Variants in ARHGEF11 observed in about 807,000 individuals in gnomAD.
ARHGEF11 encodes Rho guanine exchange factor (GEF) 11.
ARHGEF11 carries 55 observed loss-of-function variants against 193.7 expected under a neutral mutation model. The ratio of observed to expected loss-of-function variants is 0.28; its 90% CI spans 0.23 to 0.36. The LOEUF is 0.36. ARHGEF11 is among the 10% of genes least tolerant of loss of function. The pLI is 1.00. For missense variants in ARHGEF11, 1,723 were observed against 2,005.6 expected, an observed-to-expected ratio of 0.86 and a Z score of 2.69; for synonymous variants, 693 against 768.0, an observed-to-expected ratio of 0.90 and a Z score of 1.62.
At chr1:156,965,446 T>G (rs1661560628) in intron 11 of ARHGEF11, among the ~76,000 whole-genome samples, 1 of 152,180 alleles carries the variant, frequency 6.6e-6, no homozygotes, top group Admixed American at 6.5e-5. Context: ...CCCTTGAACA[T>G]TCCCTTAGAC....
At chr1:156,976,907 G>A in intron 7 of ARHGEF11, 76 bp downstream of exon 7, 1 of 1,324,134 alleles carries the variant, frequency 7.6e-7, no homozygotes. Flanking sequence ...ATTAAGTTGT[G>A]TACATTGGCA....
intron 1 of ARHGEF11, among the ~76,000 whole-genome samples, chr1:157,040,964 G>A (rs1040774722): frequency 1.3e-5 from 2 of 152,164 alleles, no homozygotes; most frequent in African/African-American, 2.4e-5. Flanking sequence ...TGCTTTACAT[G>A]AGGAAGCCAG....
Position 156,970,050 on chromosome 1 carries a change from CAG to C in ARHGEF11, c.703-9_703-8del. On this transcript the variant is annotated splice_polypyrimidine_tract_variant and splice_region_variant and intron_variant, in intron 8 of 40. Transcript: ENST00000368194. ...CATATAGTGGAAGTATGTCCTGAAACAGAAAGGCCCACAGGGTGGGCAAATTC... is the reference window on the plus strand; with the variant it reads ...CATATAGTGGAAGTATGTCCTGAAACAAAGGCCCACAGGGTGGGCAAATTC... 6.2e-7 allele frequency: 1 copy of C among 1,613,854 alleles called. No individual in the cohort carries two copies. Among genetic ancestry groups the C allele is most frequent in the Non-Finnish European group, 8.5e-7 (1 of 1,179,804 alleles).
intron 1 of ARHGEF11, 52 bp from the exon 2 acceptor site, chr1:156,986,225 C>G (rs779279767): frequency 6.7e-7 from 1 of 1,482,446 alleles, no homozygotes; most frequent in South Asian, 1.1e-5. Context: ...GGGGGATCAG[C>G]CTTGTAGTAG....
At chr1:157,027,457 T>C (rs1670786917) in intron 1 of ARHGEF11, among the ~76,000 whole-genome samples, 1 of 151,968 alleles carries the variant, frequency 6.6e-6, no homozygotes, top group Non-Finnish European at 1.5e-5. Flanking sequence ...CAAGAAAAGA[T>C]AATTGGATGT....
intron 1 of ARHGEF11, among the ~76,000 whole-genome samples, chr1:157,017,146 G>A (rs1396304578): frequency 3.3e-5 from 5 of 152,114 alleles, no homozygotes; most frequent in Non-Finnish European, 7.3e-5. Context: ...TCCCCAGATA[G>A]CTCAGTTTAA....
chr1:157,031,711 C>T (rs1671330921), intron 1 of ARHGEF11, among the ~76,000 whole-genome samples: 1 of 152,184 alleles, frequency 6.6e-6, no homozygotes, highest in South Asian at 2.1e-4. Flanking sequence ...AGGGGAGTGG[C>T]AAAGGCCCTA....
Position 156,994,392 on chromosome 1 carries a change from G to GTTTT in ARHGEF11, c.33-8223_33-8220dup, listed in dbSNP as rs33948204. 3.2e-3 allele frequency among the ~76,000 whole-genome samples: 456 copies of GTTTT among 144,106 alleles called. 17 individuals are homozygous for GTTTT. The South Asian group carries it at 0.066, about 21-fold the overall frequency. 94.5% of individuals were successfully genotyped at this position (144,106 alleles called of 152,430 possible). A position where few individuals can be genotyped will look rare whatever the true frequency, so the allele number is the denominator to read the frequency against. On this transcript the variant is annotated intron_variant, in intron 1 of 40. Coordinates refer to ENST00000368194, the MANE Select transcript of ARHGEF11 (RefSeq NM_198236.3). ...CCCTCTGCAAATGGTTTTATTGTGT[G>GTTTT]TTTTTTTTTTTTTTCAGGTGTACAG...
rs1013067967 is a variant in ARHGEF11, at chr1:156,987,637, T to C, written c.33-1464A>G. On this transcript the variant is annotated intron_variant, in intron 1 of 40. Coordinates refer to ENST00000368194, the MANE Select transcript of ARHGEF11 (RefSeq NM_198236.3). ...TTGGTACTTTTAATGTTTGAAACCA[T>C]GTGAGGGTACAAGTAACTTATAAAT... Among the ~76,000 whole-genome samples the C allele has an allele frequency of 2.6e-5, 4 of 152,194 alleles. 1 individual carries two copies. Among genetic ancestry groups the C allele is most frequent in the African/African-American group, 7.2e-5 (3 of 41,438 alleles).
intron 1 of ARHGEF11, among the ~76,000 whole-genome samples, chr1:157,001,375 C>G (rs148725425): frequency 4.6e-5 from 7 of 152,284 alleles, no homozygotes; most frequent in African/African-American, 1.4e-4. Flanking sequence ...AAATCAGAGT[C>G]AAGTTTTCCA....
At chr1:156,938,310 G>A (rs1284200432) in intron 38 of ARHGEF11, 108 bp downstream of exon 38, 34 of 984,204 alleles carry the variant, frequency 3.5e-5, no homozygotes, top group Non-Finnish European at 4.1e-5. Context: ...AGGCAGCTGA[G>A]GGAGCTTGTG....
At chr1:157,038,614 T>A (rs920149661) in intron 1 of ARHGEF11, among the ~76,000 whole-genome samples, 1 of 152,210 alleles carries the variant, frequency 6.6e-6, no homozygotes, top group Admixed American at 6.5e-5. Context: ...GACACCCTAT[T>A]TGGAGTCCAG....
intron 38 of ARHGEF11, 71 bp from the exon 39 acceptor site, chr1:156,937,567 G>A: frequency 2.0e-6 from 3 of 1,467,948 alleles, no homozygotes; most frequent in Non-Finnish European, 2.7e-6. Flanking sequence ...CGTTCCTGTG[G>A]GATTCCCCAG....
intron 1 of ARHGEF11, among the ~76,000 whole-genome samples, chr1:157,024,915 G>T (rs561830273): frequency 6.6e-6 from 1 of 152,262 alleles, no homozygotes; most frequent in African/African-American, 2.4e-5. Flanking sequence ...ACAATACCAG[G>T]GAAAACCTTT....
At position 156,935,976 on chromosome 1, in the gene ARHGEF11, C is replaced by G. The variant is rs762413575; in HGVS notation, c.*24G>C. On this transcript the variant is annotated 3_prime_UTR_variant, in exon 41 of 41. Transcript: ENST00000368194. ...AGTCCCTGAAGGAGGAGTGGGGACG[C>G]AGAGGATTTGGTGGTTTGTACGGTT... is the stretch of plus-strand genomic sequence containing the variant. The G allele has an allele frequency of 1.2e-6, 2 of 1,605,062 alleles. No individual in the cohort carries two copies. Among genetic ancestry groups the G allele is most frequent in the Non-Finnish European group, 1.7e-6 (2 of 1,174,378 alleles).
At chr1:156,996,926 A>G (rs1056515640) in intron 1 of ARHGEF11, among the ~76,000 whole-genome samples, 4 of 136,936 alleles carry the variant, frequency 2.9e-5, no homozygotes, top group African/African-American at 1.1e-4. Flanking sequence ...CAGTGGTATG[A>G]TAATAGTTCA....
chr1:156,958,525 C>T (rs1166581571), intron 17 of ARHGEF11, among the ~76,000 whole-genome samples: 1 of 152,184 alleles, frequency 6.6e-6, no homozygotes, highest in Non-Finnish European at 1.5e-5. Flanking sequence ...GTCATAACCA[C>T]CAAATGACTA....
intron 1 of ARHGEF11, among the ~76,000 whole-genome samples, chr1:156,998,601 G>A (rs910648620): frequency 6.6e-6 from 1 of 152,310 alleles, no homozygotes; most frequent in Middle Eastern, 3.4e-3. Context: ...CTGGCACTCT[G>A]CAGTACTTTA....
At chr1:157,009,734 T>C (rs1668325270) in intron 1 of ARHGEF11, among the ~76,000 whole-genome samples, 1 of 152,222 alleles carries the variant, frequency 6.6e-6, no homozygotes, top group Non-Finnish European at 1.5e-5. Flanking sequence ...GGAAAACTTC[T>C]ATGGAGGGTA....
Sources: gnomAD v4.1 joint callset for allele counts (sites outside exome capture counted in the v4.1 genomes callset) on GRCh38, gnomAD v4.1.1 for gene constraint, MANE v1.5 for transcripts, NCBI Gene and HGNC (gene_info 2026-07-23, HGNC 2026-07-21) for gene names.